Variants in PALM2AKAP2 observed in about 807,000 individuals in gnomAD.
PALM2AKAP2 encodes PALM2 and AKAP2 fusion.
PALM2AKAP2 carries 37 observed loss-of-function variants against 71.5 expected under a neutral mutation model. The observed-to-expected ratio is 0.52, with a 90% confidence interval of 0.40 to 0.68. The LOEUF is 0.68. Ranked by LOEUF, PALM2AKAP2 falls within the 30% of genes least tolerant of loss-of-function variation. The pLI is 0.00. For synonymous variants in PALM2AKAP2, 468 were observed against 478.8 expected, an observed-to-expected ratio of 0.98 and a Z score of 0.29; for missense variants, 1,224 against 1,191.8, an observed-to-expected ratio of 1.03 and a Z score of -0.40.
At chr9:109,677,171 T>A (rs1827658955) in intron 1 of PALM2AKAP2, among the ~76,000 whole-genome samples, 1 of 152,026 alleles carries the variant, frequency 6.6e-6, no homozygotes, top group African/African-American at 2.4e-5. Context: ...AGCAAAGAGA[T>A]TGACAGGAGA....
intron 1 of PALM2AKAP2, among the ~76,000 whole-genome samples, chr9:110,125,223 C>T (rs1437374389): frequency 2.6e-5 from 4 of 152,174 alleles, no homozygotes; most frequent in East Asian, 1.9e-4. Context: ...CAGGGCCCAC[C>T]TCTGAATTGC....
intron 1 of PALM2AKAP2, among the ~76,000 whole-genome samples, chr9:109,722,082 T>A (rs1030528219): frequency 6.6e-6 from 1 of 152,232 alleles, no homozygotes; most frequent in Non-Finnish European, 1.5e-5. Context: ...GAAAAATTAT[T>A]TATTGTAGCA....
chr9:109,938,468 A>G (rs559492548), intron 6 of PALM2AKAP2, among the ~76,000 whole-genome samples: 61 of 152,282 alleles, frequency 4.0e-4, no homozygotes, highest in Admixed American at 7.2e-4. Flanking sequence ...AAAAAAATAC[A>G]TATGCATTTT....
intron 1 of PALM2AKAP2, among the ~76,000 whole-genome samples, chr9:110,107,624 T>C (rs1407068555): frequency 6.6e-6 from 1 of 152,220 alleles, no homozygotes; most frequent in African/African-American, 2.4e-5. Context: ...AGGAGTGCAG[T>C]TGTGCCATCT....
intron 1 of PALM2AKAP2, among the ~76,000 whole-genome samples, chr9:109,851,771 A>C (rs970090200): frequency 6.6e-6 from 1 of 152,132 alleles, no homozygotes; most frequent in Non-Finnish European, 1.5e-5. Context: ...AGTGGCCTGG[A>C]CCCTGGTGGT....
At chr9:109,766,089 A>G (rs1829148503) in intron 1 of PALM2AKAP2, among the ~76,000 whole-genome samples, 1 of 152,204 alleles carries the variant, frequency 6.6e-6, no homozygotes, top group Non-Finnish European at 1.5e-5. Flanking sequence ...TCAAGTGTAC[A>G]TGCATTACCT....
intron 6 of PALM2AKAP2, among the ~76,000 whole-genome samples, chr9:109,939,187 G>C (rs563805993): frequency 7.5e-4 from 114 of 152,124 alleles, no homozygotes; most frequent in African/African-American, 2.7e-3. Flanking sequence ...ATTTCATACA[G>C]TTTTTACTCT....
At chr9:109,722,794 A>G (rs1458470290) in intron 1 of PALM2AKAP2, among the ~76,000 whole-genome samples, 1 of 151,996 alleles carries the variant, frequency 6.6e-6, no homozygotes, top group East Asian at 1.9e-4. Context: ...ACAAACAAAA[A>G]CACTTTAAAT....
intron 3 of PALM2AKAP2, among the ~76,000 whole-genome samples, chr9:110,164,981 A>T (rs1310067993): frequency 2.0e-5 from 3 of 152,150 alleles, no homozygotes; most frequent in African/African-American, 7.2e-5. Flanking sequence ...TCAACTCTGC[A>T]CCCAGAGTGC....
At chr9:109,964,643 C>T (rs1408471955) in intron 6 of PALM2AKAP2, among the ~76,000 whole-genome samples, 1 of 152,206 alleles carries the variant, frequency 6.6e-6, no homozygotes, top group Admixed American at 6.5e-5. Flanking sequence ...TGCCTACCAC[C>T]TAAATATCAG....
intron 1 of PALM2AKAP2, among the ~76,000 whole-genome samples, chr9:110,110,793 T>A (rs370117025): frequency 1.4e-4 from 22 of 152,096 alleles, no homozygotes; most frequent in African/African-American, 5.1e-4. Flanking sequence ...ATGATCCACC[T>A]GCCCCAGCCT....
chr9:109,870,679 G>A (rs539673770), intron 2 of PALM2AKAP2, among the ~76,000 whole-genome samples: 5 of 152,318 alleles, frequency 3.3e-5, no homozygotes, highest in South Asian at 2.1e-4. Context: ...TTCAAAGACC[G>A]AGCTCTTTCC....
intron 2 of PALM2AKAP2, among the ~76,000 whole-genome samples, chr9:110,147,847 A>G (rs1299318238): frequency 3.3e-5 from 5 of 152,228 alleles, no homozygotes; most frequent in Non-Finnish European, 7.3e-5. Context: ...TGAGCCTGAA[A>G]TAAATAACCG....
At chr9:110,145,460 C>T (rs1836140981) in intron 2 of PALM2AKAP2, among the ~76,000 whole-genome samples, 3 of 152,138 alleles carry the variant, frequency 2.0e-5, no homozygotes, top group South Asian at 2.1e-4. Context: ...ACTGGGTACT[C>T]AAGCAAGGAA....
chr9:109,989,974 A>G (rs1832445195), intron 6 of PALM2AKAP2, among the ~76,000 whole-genome samples: 1 of 152,086 alleles, frequency 6.6e-6, no homozygotes, highest in South Asian at 2.1e-4. Context: ...CTAAATTCTT[A>G]TATCCAGAAT....
chr9:110,081,770 C>G (rs893514868), intron 1 of PALM2AKAP2, among the ~76,000 whole-genome samples: 27 of 151,896 alleles, frequency 1.8e-4, no homozygotes, highest in Non-Finnish European at 5.9e-5. Flanking sequence ...TGTGCTGGGT[C>G]CCTGCTGGGG....
intron 6 of PALM2AKAP2, among the ~76,000 whole-genome samples, chr9:109,935,246 G>A (rs1291119051): frequency 6.6e-6 from 1 of 152,112 alleles, no homozygotes; most frequent in Non-Finnish European, 1.5e-5. Context: ...TTGCTTCTCA[G>A]TTTAGTACCC....
chr9:109,952,576 A>G (rs917682932), intron 6 of PALM2AKAP2, among the ~76,000 whole-genome samples: 5 of 152,232 alleles, frequency 3.3e-5, no homozygotes, highest in Non-Finnish European at 7.3e-5. Flanking sequence ...CGTGGAGGAA[A>G]TGCAAGAACA....
chr9:109,754,992 T>C (rs1261478268), intron 1 of PALM2AKAP2, among the ~76,000 whole-genome samples: 1 of 152,012 alleles, frequency 6.6e-6, no homozygotes, highest in African/African-American at 2.4e-5. Flanking sequence ...CTATAGCCTG[T>C]GTATAAGCAA....
Sources: allele counts gnomAD v4.1 joint callset (sites outside exome capture counted in the v4.1 genomes callset), GRCh38; gene constraint gnomAD v4.1.1; transcripts MANE v1.5; gene names NCBI Gene and HGNC (gene_info 2026-07-23, HGNC 2026-07-21).